DROSHA: variants seen among roughly 807,000 people sequenced by gnomAD.
DROSHA encodes drosha ribonuclease III.
Under a neutral mutation model 181.9 loss-of-function variants are expected in DROSHA, and 56 were observed. That is an observed-to-expected ratio of 0.31 (90% CI 0.25 to 0.38). The LOEUF (loss-of-function observed/expected upper bound fraction) is 0.38. Among genes scored for constraint, DROSHA ranks in the 10% least tolerant of loss-of-function variants. The pLI is 1.00. For missense variants in DROSHA, 1,218 were observed against 1,743.5 expected, an observed-to-expected ratio of 0.70 and a Z score of 5.37; for synonymous variants, 524 against 591.2, an observed-to-expected ratio of 0.89 and a Z score of 1.65.
chr5:31,518,125 T>C (rs1739470781), intron 6 of DROSHA, among the ~76,000 whole-genome samples: 3 of 139,912 alleles, frequency 2.1e-5, no homozygotes, highest in East Asian at 5.2e-4. Flanking sequence ...CTGTTGCTAC[T>C]AGGCTACAAA....
At chr5:31,528,941 C>T in intron 4 of DROSHA, 99 bp downstream of exon 4, 1 of 1,471,722 alleles carries the variant, frequency 6.8e-7, no homozygotes, top group Non-Finnish European at 9.3e-7. Context: ...TCCCCTCTCC[C>T]CATGTATCTA....
Position 31,409,027 on chromosome 5 carries a change from C to A in DROSHA, c.3854+29G>T. On this transcript the variant is annotated intron_variant, in intron 33 of 35. Transcript: ENST00000344624. This position sits in a 1 kb window ranked among gnomAD's most constrained non-coding sequence, Gnocchi z 4.0. ...TCAATTTTAGGCATGCTGGATCCAACCAATGGCCTGCAGGCAACAAGTACT... is the reference window on the plus strand; with the variant it reads ...TCAATTTTAGGCATGCTGGATCCAAACAATGGCCTGCAGGCAACAAGTACT... 6.2e-7 allele frequency: 1 copy of A among 1,603,660 alleles called. No individual in the cohort carries two copies. The highest frequency in any genetic ancestry group is 8.5e-7 in the Non-Finnish European group (1 of 1,173,008).
intron 23 of DROSHA, among the ~76,000 whole-genome samples, chr5:31,440,592 C>G (rs1445485971): frequency 1.3e-5 from 2 of 152,164 alleles, no homozygotes; most frequent in Non-Finnish European, 2.9e-5. Flanking sequence ...ACCCTCCTTT[C>G]AATTTATGGC....
intron 30 of DROSHA, among the ~76,000 whole-genome samples, chr5:31,413,525 GAAAA>G (rs1257408643): frequency 6.6e-6 from 1 of 152,174 alleles, no homozygotes; most frequent in African/African-American, 2.4e-5. Flanking sequence ...CAGCAAGAAA[GAAAA>G]CCTGAGGTTA....
chr5:31,447,062 C>G (rs772147910), intron 23 of DROSHA, among the ~76,000 whole-genome samples: 84 of 152,170 alleles, frequency 5.5e-4, no homozygotes, highest in Non-Finnish European at 1.1e-3. Flanking sequence ...GTGGTACTTA[C>G]ACACCATGGA....
intron 25 of DROSHA, among the ~76,000 whole-genome samples, chr5:31,432,893 A>G (rs2150003081): frequency 6.6e-6 from 1 of 152,368 alleles, no homozygotes; most frequent in African/African-American, 2.4e-5. Flanking sequence ...ACAATGTGAA[A>G]GAATATTTTT....
chr5:31,406,963 G>C lies in DROSHA; in HGVS notation c.3855-18C>G, dbSNP rs1447438957. On this transcript the variant is annotated intron_variant, in intron 33 of 35. Coordinates refer to ENST00000344624, the MANE Select transcript of DROSHA (RefSeq NM_001382508.1). ...GCAGAGTCCTGAAAGGGAAAGGAAA[G>C]AACATTTATTATGGTAAAGTGTTAT... The C allele has an allele frequency of 6.2e-7, 1 of 1,605,916 alleles. No individual in the cohort carries two copies. Among genetic ancestry groups the C allele is most frequent in the African/African-American group, 1.3e-5 (1 of 74,808 alleles).
intron 31 of DROSHA, among the ~76,000 whole-genome samples, 174 bp downstream of exon 31, chr5:31,410,572 C>G (rs2287583): frequency 0.16 from 23,718 of 152,200 alleles, 2,029 homozygotes; most frequent in East Asian, 0.29. Flanking sequence ...ATTCACATGT[C>G]TTAGTTTCAA....
At chr5:31,494,330 T>C (rs1031319661) in intron 12 of DROSHA, among the ~76,000 whole-genome samples, 4 of 152,194 alleles carry the variant, frequency 2.6e-5, no homozygotes, top group Non-Finnish European at 5.9e-5. Flanking sequence ...ATAAGACATA[T>C]TTCTAACACA....
At chr5:31,501,899 GAT>G (rs932118201) in intron 11 of DROSHA, among the ~76,000 whole-genome samples, 1 of 152,144 alleles carries the variant, frequency 6.6e-6, no homozygotes, top group African/African-American at 2.4e-5. Flanking sequence ...CTGACATTAC[GAT>G]GATCAGGCTA....
chr5:31,413,625 C>T (rs1741597734), intron 30 of DROSHA, among the ~76,000 whole-genome samples: 1 of 152,206 alleles, frequency 6.6e-6, no homozygotes, highest in Non-Finnish European at 1.5e-5. Context: ...GAGCAACGTG[C>T]TGCTGCTGCC....
At position 31,483,646 on chromosome 5, in the gene DROSHA, G is replaced by GAAA; in HGVS notation, c.1997-21_1997-19dup. On this transcript the variant is annotated intron_variant, in intron 15 of 35. Coordinates refer to ENST00000344624, the MANE Select transcript of DROSHA (RefSeq NM_001382508.1). ...CAAAGGACCTGAAGCAAACAAATGA[G>GAAA]AAAAAAAAAAAAAAAAGAAAACTCA... The GAAA allele has an allele frequency of 1.9e-5, 23 of 1,236,424 alleles. No individual in the cohort carries two copies. Among genetic ancestry groups the GAAA allele is most frequent in the Admixed American group, 8.1e-5 (3 of 36,986 alleles). 76.6% of individuals were successfully genotyped at this position (1,236,424 alleles called of 1,614,324 possible).
chr5:31,432,158 ATCTGGC>A (rs1462294701), intron 25 of DROSHA, among the ~76,000 whole-genome samples: 2 of 151,504 alleles, frequency 1.3e-5, no homozygotes, highest in African/African-American at 4.9e-5. Context: ...TTGAGACGGA[ATCTGGC>A]TCTGTCGCCC....
At chr5:31,441,462 T>C (rs1215763407) in intron 23 of DROSHA, among the ~76,000 whole-genome samples, 1 of 152,142 alleles carries the variant, frequency 6.6e-6, no homozygotes, top group Non-Finnish European at 1.5e-5. Flanking sequence ...TTACCAAATA[T>C]ATGCTAGACT....
chr5:31,467,860 A>C, intron 18 of DROSHA, 79 bp downstream of exon 18: 1 of 1,528,876 alleles, frequency 6.5e-7, no homozygotes, highest in Non-Finnish European at 8.9e-7. Flanking sequence ...GGAAACATCC[A>C]CTAAAGGGTA....
chr5:31,437,332 G>A (rs1333675858), intron 23 of DROSHA, 34 bp from the exon 24 acceptor site: 8 of 1,537,616 alleles, frequency 5.2e-6, no homozygotes, highest in Non-Finnish European at 7.0e-6. Context: ...ACTTAATACA[G>A]CATATTAACA....
Position 31,514,843 on chromosome 5 carries a change from T to C in DROSHA, c.1290+145A>G. On this transcript the variant is annotated intron_variant, in intron 8 of 35. Transcript: ENST00000344624. The surrounding 1 kb of genome is among the most constrained non-coding windows in gnomAD (Gnocchi z 4.4). ...ACTGGGGAGGGGTACTACTGGCATC[T>C]AACAGGTAGAGCCCAGAGATGCCGC... 1 of 700,816 alleles carries C rather than the reference T, an allele frequency of 1.4e-6. No homozygotes were observed. The highest frequency in any genetic ancestry group is 2.3e-6 in the Non-Finnish European group (1 of 430,134). The allele number at this position is 700,816 out of a possible 1,614,324, so 43.4% of individuals were successfully genotyped here.
intron 15 of DROSHA, 53 bp from the exon 16 acceptor site, chr5:31,483,681 A>T: frequency 3.3e-6 from 5 of 1,503,014 alleles, no homozygotes; most frequent in African/African-American, 1.4e-5. Flanking sequence ...AGTCTTAAAA[A>T]ACAAGCACTG....
chr5:31,463,718 A>G (rs1279212984), intron 20 of DROSHA, among the ~76,000 whole-genome samples: 1 of 152,214 alleles, frequency 6.6e-6, no homozygotes, highest in Non-Finnish European at 1.5e-5. Context: ...ATGTTACTCT[A>G]TTGCGTTCAC....
Sources: gnomAD v4.1 joint callset for allele counts (sites outside exome capture counted in the v4.1 genomes callset) on GRCh38, gnomAD v4.1.1 for gene constraint, Gnocchi (gnomAD v3.1) non-coding constraint, MANE v1.5 for transcripts, NCBI Gene and HGNC (gene_info 2026-07-23, HGNC 2026-07-21) for gene names.